TRAPPC12: variants seen among roughly 807,000 people sequenced by gnomAD.
TRAPPC12 encodes the protein TPR repeat protein 15.
A neutral mutation model predicts 69.2 loss-of-function variants in TRAPPC12; 61 were observed. The observed-to-expected ratio is 0.88, with a 90% CI of 0.72 to 1.09. TRAPPC12 has a LOEUF of 1.09. Ranked by LOEUF, TRAPPC12 falls within the 50% of genes least tolerant of loss-of-function variation. TRAPPC12 has a pLI of 0.00. For missense variants in TRAPPC12, 1,101 were observed against 1,016.4 expected, an observed-to-expected ratio of 1.08 and a Z score of -1.13; for synonymous variants, 469 against 438.9, an observed-to-expected ratio of 1.07 and a Z score of -0.86.
At chr2:3,400,986 A>C (rs949152774) in intron 2 of TRAPPC12, among the ~76,000 whole-genome samples, 3 of 152,224 alleles carry the variant, frequency 2.0e-5, no homozygotes, top group African/African-American at 7.2e-5. Context: ...AGCAAGTGGC[A>C]TGCTTCAGAT....
intron 5 of TRAPPC12, among the ~76,000 whole-genome samples, chr2:3,426,439 C>T (rs1260374962): frequency 6.6e-6 from 1 of 152,254 alleles, no homozygotes; most frequent in African/African-American, 2.4e-5. Context: ...CTGGCCTGTC[C>T]AGTCCTGCTG....
intron 8 of TRAPPC12, 38 bp downstream of exon 8, chr2:3,460,374 G>A (rs1665422946): frequency 1.2e-6 from 1 of 858,776 alleles, no homozygotes; most frequent in Non-Finnish European, 2.0e-6. Context: ...ATGTGATCTG[G>A]AAGAGCGGGG....
At chr2:3,400,027 C>A (rs183668102) in intron 2 of TRAPPC12, among the ~76,000 whole-genome samples, 1 of 152,336 alleles carries the variant, frequency 6.6e-6, no homozygotes, top group African/African-American at 2.4e-5. Context: ...TCTCCACCCC[C>A]CATCTTGGGG....
Position 3,457,580 on chromosome 2 carries a change from G to C in TRAPPC12, c.1531-41G>C, listed in dbSNP as rs756007075. On this transcript the variant is annotated intron_variant, in intron 6 of 11. Transcript: ENST00000324266. ...TATAACAAAGTCTTAGACAAAAATT[G>C]GTTCCCATGATTTTGTCCTTCTCAT... 2.4e-5 allele frequency: 38 copies of C among 1,557,138 alleles called. 2 individuals are homozygous for C. In the South Asian group the frequency reaches 3.5e-4, roughly 14 times the overall value.
chr2:3,469,648 C>G (rs1202800303), intron 9 of TRAPPC12, among the ~76,000 whole-genome samples: 1 of 152,200 alleles, frequency 6.6e-6, no homozygotes, highest in Non-Finnish European at 1.5e-5. Flanking sequence ...ACCCAGGTCC[C>G]CCACACGGCC....
chr2:3,443,163 C>T (rs945584520), intron 5 of TRAPPC12, among the ~76,000 whole-genome samples: 4 of 152,236 alleles, frequency 2.6e-5, no homozygotes, highest in African/African-American at 9.6e-5. Context: ...CCAGGCAGCT[C>T]TGGGTGATGG....
intron 3 of TRAPPC12, among the ~76,000 whole-genome samples, chr2:3,408,607 G>A (rs1661861895): frequency 6.6e-6 from 1 of 151,858 alleles, no homozygotes. Context: ...CTGCCTGGGT[G>A]ACACAGTAAA....
chr2:3,398,302 A>G (rs1267685892), intron 2 of TRAPPC12, among the ~76,000 whole-genome samples: 1 of 152,190 alleles, frequency 6.6e-6, no homozygotes, highest in Non-Finnish European at 1.5e-5. Flanking sequence ...TAAAATGGCT[A>G]TTCCATGTTG....
chr2:3,455,381 C>G (rs1325797233), intron 6 of TRAPPC12: 1 of 152,166 alleles, frequency 6.6e-6, no homozygotes, highest in Non-Finnish European at 1.5e-5. Context: ...TCCAATTATG[C>G]TCCCTTAGTT....
rs1397843710 is a variant in TRAPPC12 at position 3,479,512 on chromosome 2, T to C, written c.*51T>C. The C allele has an allele frequency of 6.3e-7, 1 of 1,596,452 alleles. No homozygotes were observed. Among genetic ancestry groups the C allele is most frequent in the African/African-American group, 1.3e-5 (1 of 74,500 alleles). On this transcript the variant is annotated 3_prime_UTR_variant, in exon 12 of 12. Coordinates refer to ENST00000324266, the MANE Select transcript of TRAPPC12 (RefSeq NM_016030.6). ...GGACCCGGGTCTTTGAAACTGTGTC[T>C]TGAAGCTAATGTATTAATGTGACAT...
At chr2:3,394,823 G>C (rs967617559) in intron 2 of TRAPPC12, among the ~76,000 whole-genome samples, 4 of 142,858 alleles carry the variant, frequency 2.8e-5, no homozygotes, top group Non-Finnish European at 6.2e-5. Flanking sequence ...CCATTTTCTA[G>C]TAAATTATGT....
chr2:3,423,436 C>T (rs73131515), intron 4 of TRAPPC12, among the ~76,000 whole-genome samples: 3,954 of 151,986 alleles, frequency 0.026, 164 homozygotes, highest in African/African-American at 0.09. Context: ...ATCTCTTGAG[C>T]TTATTCCTTG....
intron 1 of TRAPPC12, among the ~76,000 whole-genome samples, 196 bp downstream of exon 1, chr2:3,380,072 C>A (rs1265688060): frequency 1.3e-5 from 2 of 151,782 alleles, no homozygotes; most frequent in Non-Finnish European, 2.9e-5. Flanking sequence ...CCAGGCTCCA[C>A]GTCGCCGCGG....
chr2:3,399,500 CCCT>C (rs1661303434), intron 2 of TRAPPC12, among the ~76,000 whole-genome samples: 1 of 152,154 alleles, frequency 6.6e-6, no homozygotes, highest in Non-Finnish European at 1.5e-5. Flanking sequence ...CAACTGCTGC[CCCT>C]AGGTCTTTTC....
intron 2 of TRAPPC12, among the ~76,000 whole-genome samples, chr2:3,397,744 T>C (rs1387503595): frequency 6.6e-6 from 1 of 152,250 alleles, no homozygotes; most frequent in Non-Finnish European, 1.5e-5. Context: ...ATGTATATTC[T>C]TTCTGACACA....
At chr2:3,476,812 C>G (rs376275095) in intron 9 of TRAPPC12, among the ~76,000 whole-genome samples, 3 of 152,182 alleles carry the variant, frequency 2.0e-5, no homozygotes, top group African/African-American at 7.2e-5. Context: ...TGTTTCTCAT[C>G]GAGACAGAGG....
At chr2:3,456,083 C>G (rs1333633688) in intron 6 of TRAPPC12, 1 of 152,160 alleles carries the variant, frequency 6.6e-6, no homozygotes, top group East Asian at 1.9e-4. Flanking sequence ...TGAAGAATGT[C>G]GTTTTACCTA....
At chr2:3,455,967 A>C (rs1202394143) in intron 6 of TRAPPC12, 6 of 152,168 alleles carry the variant, frequency 3.9e-5, no homozygotes, top group Non-Finnish European at 8.8e-5. Context: ...GTACATTCCC[A>C]CCAACTGTGG....
At chr2:3,457,777 C>G (rs1665245145) in intron 7 of TRAPPC12, 84 bp downstream of exon 7, 11 of 1,560,720 alleles carry the variant, frequency 7.0e-6, no homozygotes, top group Non-Finnish European at 9.5e-6. Context: ...TCCTCTCCTT[C>G]TCCTTTCCTT....
Sources: gnomAD v4.1 joint callset for allele counts (sites outside exome capture counted in the v4.1 genomes callset) on GRCh38, gnomAD v4.1.1 for gene constraint, MANE v1.5 for transcripts, NCBI Gene and HGNC (gene_info 2026-07-23, HGNC 2026-07-21) for gene names.